The following SCML4 variants were observed in gnomAD, a reference collection of about 807,000 sequenced individuals.
SCML4 encodes sex comb on midleg-like protein 4.
Under a neutral mutation model 41.1 loss-of-function variants are expected in SCML4, and 34 were observed. The observed-to-expected ratio is 0.83, with a 90% confidence interval of 0.63 to 1.10. SCML4 has a LOEUF of 1.10. Ranked by LOEUF, SCML4 falls within the 50% of genes least tolerant of loss-of-function variation. The pLI is 0.00. For missense variants in SCML4, 522 were observed against 534.1 expected, an observed-to-expected ratio of 0.98 and a Z score of 0.22; for synonymous variants, 214 against 220.9, an observed-to-expected ratio of 0.97 and a Z score of 0.28.
chr6:107,721,314 T>C (rs1004753695), intron 5 of SCML4, among the ~76,000 whole-genome samples: 6 of 151,980 alleles, frequency 3.9e-5, no homozygotes, highest in African/African-American at 9.7e-5. Context: ...CTGTAATCCC[T>C]GAACTTTGGG....
chr6:107,729,577 T>A (rs1776331786), intron 5 of SCML4, among the ~76,000 whole-genome samples: 1 of 152,176 alleles, frequency 6.6e-6, no homozygotes, highest in Non-Finnish European at 1.5e-5. Context: ...CGACAACCAG[T>A]AAATGTTTTT....
the SCML4 span, among the ~76,000 whole-genome samples, chr6:107,833,426 C>T: frequency 1.3e-5 from 2 of 152,116 alleles, no homozygotes; most frequent in Non-Finnish European, 1.5e-5. Flanking sequence ...CACTGGGGAC[C>T]TAGCCATGGG....
chr6:107,726,362 T>A (rs1775970371), intron 5 of SCML4, among the ~76,000 whole-genome samples: 1 of 151,124 alleles, frequency 6.6e-6, no homozygotes, highest in African/African-American at 2.4e-5. Flanking sequence ...TGAAACCCCA[T>A]CTCTACTAAA....
chr6:107,779,298 G>A (rs1048311315), intron 1 of SCML4, among the ~76,000 whole-genome samples: 19 of 152,274 alleles, frequency 1.2e-4, no homozygotes, highest in Middle Eastern at 3.4e-3. Flanking sequence ...AACAGGTTTT[G>A]TATGAAATGC....
chr6:107,840,285 C>T, the SCML4 span, among the ~76,000 whole-genome samples: 2 of 152,362 alleles, frequency 1.3e-5, no homozygotes, highest in African/African-American at 4.8e-5. Flanking sequence ...AATGCATAGA[C>T]TGTGCCATAT....
chr6:107,729,423 C>T (rs1395354840), intron 5 of SCML4, among the ~76,000 whole-genome samples: 3 of 152,194 alleles, frequency 2.0e-5, no homozygotes, highest in South Asian at 2.1e-4. Context: ...CTTCTAAGGA[C>T]ACCAGTCATG....
rs140256019 is a variant in SCML4 at position 107,773,657 on chromosome 6, G to A, written c.-59-1271C>T. 1.9e-3 allele frequency among the ~76,000 whole-genome samples: 291 copies of A among 151,522 alleles called. 2 individuals carry two copies. Among genetic ancestry groups the A allele is most frequent in the African/African-American group, 6.8e-3 (280 of 41,288 alleles). On this transcript the variant is annotated intron_variant, in intron 1 of 7. Transcript: ENST00000369020. ...AATTGCCTAAACCTTGAAGCAAGAGGTAGTTGATCAAACTTGACTCAAAGA... is the reference window on the plus strand; with the variant it reads ...AATTGCCTAAACCTTGAAGCAAGAGATAGTTGATCAAACTTGACTCAAAGA...
At chr6:107,776,955 T>C (rs962674525) in intron 1 of SCML4, among the ~76,000 whole-genome samples, 22 of 152,352 alleles carry the variant, frequency 1.4e-4, no homozygotes, top group Non-Finnish European at 3.1e-4. Context: ...ATTCTCTACA[T>C]ATATTTTATG....
At chr6:107,785,840 G>A (rs1469204806) in intron 1 of SCML4, among the ~76,000 whole-genome samples, 2 of 152,134 alleles carry the variant, frequency 1.3e-5, no homozygotes, top group Admixed American at 6.5e-5. Context: ...GAGGTCCTAC[G>A]AGGCTGAGGT....
chr6:107,818,484 G>A lies in SCML4; in HGVS notation c.-60+5642C>T, dbSNP rs9486726. Among the ~76,000 whole-genome samples the A allele has an allele frequency of 7.4e-3, 1,133 of 152,296 alleles. 15 individuals are homozygous for A. Among genetic ancestry groups the A allele is most frequent in the African/African-American group, 0.026 (1,076 of 41,550 alleles). On this transcript the variant is annotated intron_variant, in intron 1 of 7. Coordinates refer to ENST00000369020, the MANE Select transcript of SCML4 (RefSeq NM_198081.5). ...TTGGAATCAACAGCATGTCTTAATA[G>A]CTAATTGTTTGATAAAGCCTTGACA... is the stretch of plus-strand genomic sequence containing the variant.
At chr6:107,832,622 C>T in the SCML4 span, among the ~76,000 whole-genome samples, 10 of 152,168 alleles carry the variant, frequency 6.6e-5, no homozygotes, top group Non-Finnish European at 1.3e-4. Context: ...CTCTGCTTTC[C>T]GCCAGGCACT....
intron 1 of SCML4, among the ~76,000 whole-genome samples, chr6:107,787,867 G>A (rs1319634733): frequency 6.6e-6 from 1 of 152,240 alleles, no homozygotes; most frequent in Non-Finnish European, 1.5e-5. Context: ...GTACAGAAAT[G>A]TGTAACTATG....
At chr6:107,744,539 T>TA (rs1391386074) in intron 5 of SCML4, among the ~76,000 whole-genome samples, 1 of 152,224 alleles carries the variant, frequency 6.6e-6, no homozygotes, top group Non-Finnish European at 1.5e-5. Context: ...TCATCAGTTC[T>TA]ATAGCTCTAG....
chr6:107,785,307 C>T (rs943913819), intron 1 of SCML4, among the ~76,000 whole-genome samples: 1 of 152,166 alleles, frequency 6.6e-6, no homozygotes, highest in African/African-American at 2.4e-5. Context: ...TCCTAGAGGA[C>T]AACACAAAAC....
upstream of SCML4, among the ~76,000 whole-genome samples, chr6:107,825,823 G>A (rs1013933667): frequency 2.7e-5 from 4 of 150,258 alleles, no homozygotes; most frequent in Admixed American, 2.7e-4. Flanking sequence ...TGTAGTCCCA[G>A]CTACTTGGGA....
intron 1 of SCML4, among the ~76,000 whole-genome samples, chr6:107,807,800 C>G (rs557388974): frequency 6.6e-6 from 1 of 152,222 alleles, no homozygotes. Flanking sequence ...ACAATCCATT[C>G]CTGTTCTTGT....
intron 2 of SCML4, among the ~76,000 whole-genome samples, chr6:107,770,146 A>G (rs7770059): frequency 0.23 from 34,277 of 152,112 alleles, 4,766 homozygotes; most frequent in African/African-American, 0.39. Context: ...CAGGTCTAGG[A>G]AATTGTCAAA....
the SCML4 span, among the ~76,000 whole-genome samples, chr6:107,843,564 C>G: frequency 6.6e-6 from 1 of 152,180 alleles, no homozygotes; most frequent in Non-Finnish European, 1.5e-5. Flanking sequence ...CACACACACA[C>G]AAGTACACTT....
intron 1 of SCML4, among the ~76,000 whole-genome samples, chr6:107,778,906 C>T (rs1433430221): frequency 6.6e-6 from 1 of 152,108 alleles, no homozygotes; most frequent in Non-Finnish European, 1.5e-5. Flanking sequence ...CCCGGCCGGG[C>T]GCGGTGGCTC....
Sources: gnomAD v4.1 joint callset for allele counts (sites outside exome capture counted in the v4.1 genomes callset) on GRCh38, gnomAD v4.1.1 for gene constraint, MANE v1.5 for transcripts, NCBI Gene and HGNC (gene_info 2026-07-23, HGNC 2026-07-21) for gene names.